NOS1AP: variants seen among roughly 807,000 people sequenced by gnomAD.
NOS1AP encodes the protein carboxyl-terminal PDZ ligand of neuronal nitric oxide synthase protein.
A neutral mutation model predicts 56.2 loss-of-function variants in NOS1AP; 21 were observed. That is an observed-to-expected ratio of 0.37 (90% CI 0.26 to 0.54). The LOEUF is 0.54. Among genes scored for constraint, NOS1AP ranks in the 20% least tolerant of loss-of-function variants. NOS1AP has a pLI of 0.84. For missense variants in NOS1AP, 522 were observed against 657.8 expected (o/e 0.79, Z 2.26); for synonymous variants, 270 against 274.6 (o/e 0.98, Z 0.17).
chr1:162,089,592 GT>G (rs1692083177), intron 1 of NOS1AP, among the ~76,000 whole-genome samples: 1 of 152,104 alleles, frequency 6.6e-6, no homozygotes, highest in African/African-American at 2.4e-5. Context: ...ATGTGATTAA[GT>G]TTAGGATCTT....
intron 5 of NOS1AP, among the ~76,000 whole-genome samples, chr1:162,340,345 A>G (rs1657071096): frequency 6.6e-6 from 1 of 152,216 alleles, no homozygotes; most frequent in Non-Finnish European, 1.5e-5. Flanking sequence ...CCAAAGATCC[A>G]TTTGGCTCAG....
At chr1:162,333,636 C>G (rs1010653817) in intron 5 of NOS1AP, among the ~76,000 whole-genome samples, 1 of 152,170 alleles carries the variant, frequency 6.6e-6, no homozygotes, top group Non-Finnish European at 1.5e-5. Context: ...CCCCAGGAGT[C>G]TAACACACAC....
chr1:162,256,674 C>T lies in NOS1AP; in HGVS notation c.178-30670C>T, dbSNP rs549560661. On this transcript the variant is annotated intron_variant, in intron 2 of 9. Coordinates refer to ENST00000361897, the MANE Select transcript of NOS1AP (RefSeq NM_014697.3). ...TCTCATAGATACACACACACAAATG[C>T]GCGTATGTACATTAACACTCAAATG... is the stretch of plus-strand genomic sequence containing the variant. Among the ~76,000 whole-genome samples, 87 of 152,256 alleles carry T rather than the reference C, an allele frequency of 5.7e-4. 1 individual carries two copies. Among genetic ancestry groups the T allele is most frequent in the African/African-American group, 2.0e-3 (82 of 41,542 alleles).
chr1:162,117,791 C>T (rs200144605), intron 1 of NOS1AP, among the ~76,000 whole-genome samples: 5 of 152,292 alleles, frequency 3.3e-5, no homozygotes, highest in East Asian at 3.9e-4. Context: ...CAGGAAGGCA[C>T]GGTACAGGAA....
At chr1:162,152,471 C>T (rs541794021) in intron 1 of NOS1AP, among the ~76,000 whole-genome samples, 3 of 152,350 alleles carry the variant, frequency 2.0e-5, no homozygotes, top group East Asian at 1.9e-4. Context: ...CTGGGCCTTA[C>T]GTCATCCCTA....
intron 2 of NOS1AP, among the ~76,000 whole-genome samples, chr1:162,246,191 C>T (rs1653656718): frequency 1.3e-5 from 2 of 152,140 alleles, no homozygotes; most frequent in Admixed American, 1.3e-4. Context: ...GTTGTAGAAT[C>T]CATTTTTTAT....
At chr1:162,251,751 G>A (rs545245389) in intron 2 of NOS1AP, among the ~76,000 whole-genome samples, 2 of 151,106 alleles carry the variant, frequency 1.3e-5, no homozygotes, top group Non-Finnish European at 2.9e-5. Flanking sequence ...GCAGTGGTAT[G>A]ATCATGGCTC....
intron 2 of NOS1AP, among the ~76,000 whole-genome samples, chr1:162,265,514 T>C (rs1352151021): frequency 6.6e-6 from 1 of 151,866 alleles, no homozygotes; most frequent in African/African-American, 2.4e-5. Context: ...TTACTGAGAA[T>C]GTTGATTTCC....
intron 9 of NOS1AP, among the ~76,000 whole-genome samples, chr1:162,365,830 C>A (rs1164971562): frequency 6.6e-6 from 1 of 152,138 alleles, no homozygotes; most frequent in Non-Finnish European, 1.5e-5. Flanking sequence ...TGTGCTCATC[C>A]AGTCTCTATT....
At chr1:162,296,885 A>T (rs1655483384) in intron 3 of NOS1AP, among the ~76,000 whole-genome samples, 1 of 152,226 alleles carries the variant, frequency 6.6e-6, no homozygotes, top group Admixed American at 6.5e-5. Flanking sequence ...ATAGAGTCAC[A>T]GGTCACAAAA....
chr1:162,184,721 G>C (rs1005103433), intron 2 of NOS1AP, among the ~76,000 whole-genome samples: 6 of 152,198 alleles, frequency 3.9e-5, no homozygotes, highest in Non-Finnish European at 8.8e-5. Context: ...TGCCTGTAGA[G>C]AACCTGGCAG....
chr1:162,357,062 A>T lies in NOS1AP; in HGVS notation c.865A>T (p.Thr289Ser). The T allele has an allele frequency of 6.2e-7, 1 of 1,613,064 alleles. No homozygotes were observed. Among genetic ancestry groups the T allele is most frequent in the South Asian group, 1.1e-5 (1 of 91,074 alleles). ...CCTGGGCACAGAGACACCGCTGTCC[A>T]CTCACCACCAGATGCAGCTCCTCCA... is the stretch of plus-strand genomic sequence containing the variant. Reference protein sequence around the residue: ...PGLGTETPLSTHHQMQLLQQL... With the variant: ...PGLGTETPLSSHHQMQLLQQL... The change falls in exon 8 of 10, where the codon ACT becomes TCT. Residue 289 changes from threonine (T) to serine (S), a missense_variant. Transcript: ENST00000361897.
chr1:162,148,018 C>T (rs899212769), intron 1 of NOS1AP, among the ~76,000 whole-genome samples: 2 of 152,160 alleles, frequency 1.3e-5, no homozygotes, highest in Non-Finnish European at 2.9e-5. Flanking sequence ...CATACCACCC[C>T]TCTCGGTAAA....
chr1:162,327,683 G>A (rs1441604510), intron 4 of NOS1AP, among the ~76,000 whole-genome samples: 1 of 152,310 alleles, frequency 6.6e-6, no homozygotes, highest in South Asian at 2.1e-4. Context: ...CCAGCAATGA[G>A]ATGTTATAAC....
At chr1:162,327,698 G>GA (rs1452886672) in intron 4 of NOS1AP, among the ~76,000 whole-genome samples, 6 of 151,790 alleles carry the variant, frequency 4.0e-5, no homozygotes, top group African/African-American at 7.3e-5. Context: ...TATAACAGAA[G>GA]AAAAAAAACA....
At chr1:162,325,846 C>G (rs913879116) in intron 4 of NOS1AP, among the ~76,000 whole-genome samples, 5 of 151,700 alleles carry the variant, frequency 3.3e-5, no homozygotes, top group Admixed American at 3.3e-4. Context: ...TAGGAATGCC[C>G]ATGCGTTCCA....
chr1:162,207,522 A>G (rs1182383003), intron 2 of NOS1AP, among the ~76,000 whole-genome samples: 1 of 152,214 alleles, frequency 6.6e-6, no homozygotes, highest in Non-Finnish European at 1.5e-5. Flanking sequence ...TCATTTTAGA[A>G]GTGGTAATAC....
At chr1:162,207,896 T>C (rs1652212380) in intron 2 of NOS1AP, among the ~76,000 whole-genome samples, 1 of 152,370 alleles carries the variant, frequency 6.6e-6, no homozygotes, top group East Asian at 1.9e-4. Flanking sequence ...AAATAAAGTT[T>C]ATTTTAAAAG....
At chr1:162,229,641 C>T (rs957821135) in intron 2 of NOS1AP, among the ~76,000 whole-genome samples, 1 of 152,020 alleles carries the variant, frequency 6.6e-6, no homozygotes, top group Non-Finnish European at 1.5e-5. Flanking sequence ...AGCATATTGC[C>T]CTCACGTGAT....
Sources: gnomAD v4.1 joint callset for allele counts (sites outside exome capture counted in the v4.1 genomes callset) on GRCh38, gnomAD v4.1.1 for gene constraint, MANE v1.5 for transcripts, NCBI Gene and HGNC (gene_info 2026-07-23, HGNC 2026-07-21) for gene names.